Variants in RASEF observed in about 807,000 individuals in gnomAD.
RASEF encodes ras and EF-hand domain-containing protein.
RASEF carries 68 observed loss-of-function variants against 90.1 expected under a neutral mutation model. The ratio of observed to expected loss-of-function variants is 0.75; its 90% CI spans 0.62 to 0.92. The LOEUF (loss-of-function observed/expected upper bound fraction) is 0.92, where lower values mean the gene tolerates loss of function less well. RASEF is among the 40% of genes least tolerant of loss of function. RASEF has a pLI of 0.00. For missense variants in RASEF, 949 were observed against 937.2 expected (o/e 1.01, Z -0.16); for synonymous variants, 331 against 345.2 (o/e 0.96, Z 0.46).
the RASEF span, among the ~76,000 whole-genome samples, chr9:83,166,513 A>G: frequency 1.2e-4 from 19 of 152,186 alleles, no homozygotes; most frequent in African/African-American, 4.3e-4. Context: ...AGACAAGTCC[A>G]GGGACTAGCT....
At chr9:83,056,224 T>G (rs1375365378) in intron 1 of RASEF, among the ~76,000 whole-genome samples, 1 of 148,094 alleles carries the variant, frequency 6.8e-6, no homozygotes, top group African/African-American at 2.7e-5. Flanking sequence ...AGCAATGAAC[T>G]TGTTTGTTTG....
the RASEF span, among the ~76,000 whole-genome samples, chr9:83,143,870 C>G: frequency 3.5e-4 from 53 of 152,112 alleles, 1 homozygote; most frequent in South Asian, 2.3e-3. Flanking sequence ...TGTTCATAGC[C>G]ATATTCACCA....
At chr9:83,065,055 A>G (rs1830270263), upstream of RASEF, among the ~76,000 whole-genome samples, 1 of 152,188 alleles carries the variant, frequency 6.6e-6, no homozygotes, top group Non-Finnish European at 1.5e-5. Context: ...GCAACAGAGC[A>G]AGACTATGTC....
the RASEF span, among the ~76,000 whole-genome samples, chr9:83,088,368 A>G: frequency 2.6e-4 from 31 of 118,892 alleles, no homozygotes; most frequent in Admixed American, 5.7e-4. Flanking sequence ...AGATATAGAT[A>G]GATGGATAGA....
the RASEF span, among the ~76,000 whole-genome samples, chr9:83,204,359 C>A: frequency 6.6e-6 from 1 of 152,086 alleles, no homozygotes; most frequent in South Asian, 2.1e-4. Flanking sequence ...ATGGGTATGT[C>A]AATAAAGGTG....
chr9:83,180,750 C>G, the RASEF span, among the ~76,000 whole-genome samples: 1 of 151,902 alleles, frequency 6.6e-6, no homozygotes, highest in Non-Finnish European at 1.5e-5. Context: ...ATGTATCCAC[C>G]CTTGGAAATC....
At chr9:83,025,565 T>C (rs1829528558) in intron 2 of RASEF, among the ~76,000 whole-genome samples, 1 of 152,054 alleles carries the variant, frequency 6.6e-6, no homozygotes, top group South Asian at 2.1e-4. Flanking sequence ...TCCTGAAGAG[T>C]TTATATAATA....
the RASEF span, among the ~76,000 whole-genome samples, chr9:83,070,606 G>T: frequency 6.6e-6 from 1 of 152,032 alleles, no homozygotes; most frequent in African/African-American, 2.4e-5. Flanking sequence ...AGTTGTTTTG[G>T]ATATTCCTGG....
chr9:83,024,735 G>T (rs1024250059), intron 2 of RASEF, among the ~76,000 whole-genome samples: 82 of 152,310 alleles, frequency 5.4e-4, no homozygotes, highest in African/African-American at 1.7e-3. Flanking sequence ...TTCATACCAA[G>T]AATTTAAAAT....
At chr9:83,033,433 C>A (rs1176673216) in intron 1 of RASEF, among the ~76,000 whole-genome samples, 5 of 152,048 alleles carry the variant, frequency 3.3e-5, no homozygotes, top group Non-Finnish European at 7.4e-5. Context: ...GTCAACTAGG[C>A]AGAAAGGGGG....
the RASEF span, among the ~76,000 whole-genome samples, chr9:83,145,335 T>C: frequency 6.6e-6 from 1 of 152,182 alleles, no homozygotes; most frequent in Non-Finnish European, 1.5e-5. Context: ...CCAGGGTTAC[T>C]ATACCACTTA....
the RASEF span, among the ~76,000 whole-genome samples, chr9:83,144,731 G>C: frequency 6.6e-6 from 1 of 152,152 alleles, no homozygotes; most frequent in African/African-American, 2.4e-5. Flanking sequence ...CTTGCTTACT[G>C]GTAACTGAGT....
chr9:83,042,250 T>C (rs1587517302), intron 1 of RASEF, among the ~76,000 whole-genome samples: 1 of 152,232 alleles, frequency 6.6e-6, no homozygotes, highest in East Asian at 1.9e-4. Flanking sequence ...ATATAGAAAG[T>C]TGTCATAAAG....
the RASEF span, among the ~76,000 whole-genome samples, chr9:83,126,830 T>G: frequency 6.6e-6 from 1 of 152,380 alleles, no homozygotes; most frequent in East Asian, 1.9e-4. Flanking sequence ...AAACATAATT[T>G]TCTTTTAACA....
chr9:83,092,659 A>G, the RASEF span, among the ~76,000 whole-genome samples: 3 of 152,106 alleles, frequency 2.0e-5, no homozygotes, highest in Admixed American at 6.5e-5. Context: ...CAAAGCTTCC[A>G]CTGTGTGGAA....
chr9:83,008,544 C>T (rs1368656796), intron 6 of RASEF, among the ~76,000 whole-genome samples: 1 of 151,956 alleles, frequency 6.6e-6, no homozygotes, highest in African/African-American at 2.4e-5. Context: ...CCCTGTCTCA[C>T]CAGATGTTCT....
chr9:83,048,284 G>C (rs1020844715), intron 1 of RASEF: 49 of 985,240 alleles, frequency 5.0e-5, no homozygotes, highest in Non-Finnish European at 5.5e-5. Flanking sequence ...GCAAAAGAAG[G>C]CATGAAGGCG....
chr9:83,082,086 T>C, the RASEF span, among the ~76,000 whole-genome samples: 1 of 152,094 alleles, frequency 6.6e-6, no homozygotes, highest in Non-Finnish European at 1.5e-5. Flanking sequence ...AATAAGCTCT[T>C]AAGGCTGGGG....
intron 12 of RASEF, among the ~76,000 whole-genome samples, chr9:82,998,912 A>T (rs1165657050): frequency 6.6e-6 from 1 of 152,214 alleles, no homozygotes; most frequent in Non-Finnish European, 1.5e-5. Context: ...ATATCTAAAC[A>T]TGTATACATA....
Sources: gnomAD v4.1 joint callset for allele counts (sites outside exome capture counted in the v4.1 genomes callset) on GRCh38, gnomAD v4.1.1 for gene constraint, MANE v1.5 for transcripts, NCBI Gene and HGNC (gene_info 2026-07-23, HGNC 2026-07-21) for gene names.